The following NSD1 variants were observed in gnomAD, a reference collection of about 807,000 sequenced individuals.
NSD1 encodes the protein nuclear receptor binding SET domain protein 1, also known as histone-lysine N-methyltransferase, H3 lysine-36 specific.
Under a neutral mutation model 242.7 loss-of-function variants are expected in NSD1, and 26 were observed. The ratio of observed to expected loss-of-function variants is 0.11; its 90% CI spans 0.08 to 0.15. The LOEUF is 0.15. Ranked by LOEUF, NSD1 falls within the 10% of genes least tolerant of loss-of-function variation. The pLI is 1.00. For missense variants in NSD1, 2,495 were observed against 3,272.8 expected (o/e 0.76, Z 5.80); for synonymous variants, 1,106 against 1,178.1 (o/e 0.94, Z 1.25).
intron 2 of NSD1, chr5:177,137,120 T>A (rs2149758508): frequency 5.0e-6 from 2 of 401,982 alleles, no homozygotes; most frequent in East Asian, 7.2e-5. Flanking sequence ...TATGAAGAAT[T>A]TCTTGACTTT....
intron 2 of NSD1, among the ~76,000 whole-genome samples, chr5:177,146,832 C>A (rs945419143): frequency 1.3e-5 from 2 of 151,322 alleles, no homozygotes; most frequent in Non-Finnish European, 2.9e-5. Context: ...GGTGAAACCC[C>A]GTGTCTACTA....
In NSD1 at chr5:177,294,417, T is replaced by C. The variant is rs750785772; in HGVS notation, c.7049T>C (p.Leu2350Pro). 3.0e-5 allele frequency: 48 copies of C among 1,614,158 alleles called. No homozygotes were observed. The South Asian group carries it at 3.4e-4, about 11-fold the overall frequency. ...TCACCCTCAGTCAGGTCCCAACCAC[T>C]GGAAAGACCTCTGGGGACGGCTGAC... is the stretch of plus-strand genomic sequence containing the variant. The part of the protein sequence containing the change: ...SSSPSVRSQP[L>P]ERPLGTADPR... Residue 2350 changes from leucine (L) to proline (P), a missense_variant, in exon 23 of 23, where the codon CTG becomes CCG. Leu to Pro is a moderately conservative substitution (Grantham distance 98). Coordinates refer to ENST00000439151, the MANE Select transcript of NSD1 (RefSeq NM_022455.5).
chr5:177,155,283 C>T (rs1317285475), intron 2 of NSD1, among the ~76,000 whole-genome samples: 1 of 150,070 alleles, frequency 6.7e-6, no homozygotes, highest in Non-Finnish European at 1.5e-5. Flanking sequence ...GCCACCGCGC[C>T]TGGCCTAATT....
chr5:177,171,039 C>CGGGCG (rs1311798935), intron 2 of NSD1, among the ~76,000 whole-genome samples: 1 of 150,690 alleles, frequency 6.6e-6, no homozygotes, highest in Non-Finnish European at 1.5e-5. Context: ...AAAAGGAAAC[C>CGGGCG]GGGCGGGGCG....
At chr5:177,174,311 G>GC (rs2149801584) in intron 2 of NSD1, among the ~76,000 whole-genome samples, 1 of 152,210 alleles carries the variant, frequency 6.6e-6, no homozygotes, top group South Asian at 2.1e-4. Context: ...CCGAGATCGC[G>GC]CCACTGCACT....
chr5:177,204,030 C>A, intron 3 of NSD1, 90 bp from the exon 4 acceptor site: 2 of 1,268,886 alleles, frequency 1.6e-6, no homozygotes, highest in Non-Finnish European at 2.3e-6. Context: ...TCCAGACAGT[C>A]TTCTTTGGCG....
intron 2 of NSD1, among the ~76,000 whole-genome samples, chr5:177,149,892 G>C (rs1757561157): frequency 1.3e-5 from 2 of 152,134 alleles, no homozygotes; most frequent in African/African-American, 4.8e-5. Flanking sequence ...CCCTGTTCTA[G>C]ATGATCCACA....
At chr5:177,195,696 T>C (rs2149826215) in intron 3 of NSD1, among the ~76,000 whole-genome samples, 2 of 152,300 alleles carry the variant, frequency 1.3e-5, no homozygotes, top group East Asian at 3.9e-4. Context: ...CTGAAACTCC[T>C]GGGCTCAAGC....
chr5:177,214,688 G>C (rs1210362478), intron 5 of NSD1, among the ~76,000 whole-genome samples: 2 of 133,964 alleles, frequency 1.5e-5, no homozygotes, highest in Admixed American at 8.0e-5. Context: ...TTTTTTTTGA[G>C]ACAGAGTCTT....
chr5:177,265,600 C>T (rs1348612017), intron 14 of NSD1: 18 of 1,373,314 alleles, frequency 1.3e-5, no homozygotes, highest in Non-Finnish European at 1.9e-5. Flanking sequence ...TGGAGCAGGA[C>T]AGGTCGCACA....
Position 177,207,314 on chromosome 5 carries a change from G to T in NSD1, c.1237-2322G>T, listed in dbSNP as rs1021887840. 2.0e-5 allele frequency among the ~76,000 whole-genome samples: 3 copies of T among 150,344 alleles called. No homozygotes were observed. In the East Asian group the frequency reaches 5.8e-4, roughly 29 times the overall value. On this transcript the variant is annotated intron_variant, in intron 4 of 22. Transcript: ENST00000439151. The stretch of plus-strand genomic sequence containing the variant: ...TTTATTTATTTTGAGACAGAGTCTC[G>T]CTCTGTTGTGCAGGCTGGAGTGCAG...
intron 2 of NSD1, among the ~76,000 whole-genome samples, chr5:177,180,458 G>T (rs1760566269): frequency 6.6e-6 from 1 of 152,032 alleles, no homozygotes; most frequent in African/African-American, 2.4e-5. Context: ...GTCTTGCTAT[G>T]TTAGTCAGGC....
At position 177,211,730 on chromosome 5, in the gene NSD1, G is replaced by T. The variant is rs151165525; in HGVS notation, c.3331G>T (p.Asp1111Tyr). ...TGACCATTTTTCTGATGTGCATTTC[G>T]ATAGCAAGGTTAAGCAATCTGATCC... Reference protein sequence around the residue: ...DGDHFSDVHFDSKVKQSDPGK... With the variant: ...DGDHFSDVHFYSKVKQSDPGK... Residue 1111 changes from aspartate to tyrosine, a missense_variant, in exon 5 of 23, where the codon GAT becomes TAT. Physicochemically the swap from Asp to Tyr is radical, Grantham distance 160. Coordinates refer to ENST00000439151, the MANE Select transcript of NSD1 (RefSeq NM_022455.5). 1.3e-5 allele frequency: 21 copies of T among 1,613,914 alleles called. No homozygotes were observed. The highest frequency in any genetic ancestry group is 1.7e-5 in the Non-Finnish European group (20 of 1,180,014).
intron 17 of NSD1, among the ~76,000 whole-genome samples, chr5:177,278,021 T>C (rs1315414816): frequency 6.6e-6 from 1 of 152,216 alleles, no homozygotes; most frequent in Non-Finnish European, 1.5e-5. Context: ...CCCCTTAGAA[T>C]TTGCCTTAGA....
intron 13 of NSD1, among the ~76,000 whole-genome samples, chr5:177,258,377 G>GT (rs1241002438): frequency 6.6e-6 from 1 of 151,750 alleles, no homozygotes; most frequent in Non-Finnish European, 1.5e-5. Flanking sequence ...TTGTTTGTTT[G>GT]TTTTTTTAAT....
intron 5 of NSD1, among the ~76,000 whole-genome samples, chr5:177,226,732 G>A (rs573935814): frequency 6.6e-6 from 1 of 151,920 alleles, no homozygotes; most frequent in Non-Finnish European, 1.5e-5. Flanking sequence ...GTACAGATTG[G>A]CATTCTGTTA....
intron 8 of NSD1, among the ~76,000 whole-genome samples, chr5:177,240,698 G>A (rs549426875): frequency 6.6e-6 from 1 of 152,222 alleles, no homozygotes; most frequent in South Asian, 2.1e-4. Context: ...GGGTGACAGG[G>A]CGAGACTCCG....
intron 8 of NSD1, among the ~76,000 whole-genome samples, chr5:177,242,251 C>A (rs1765929625): frequency 6.6e-6 from 1 of 151,902 alleles, no homozygotes; most frequent in African/African-American, 2.4e-5. Context: ...AATTTGTTAT[C>A]TAAATAAAAT....
intron 14 of NSD1, among the ~76,000 whole-genome samples, chr5:177,260,412 T>G (rs1316727446): frequency 7.6e-6 from 1 of 130,932 alleles, no homozygotes; most frequent in East Asian, 2.3e-4. Flanking sequence ...TATGGCACAA[T>G]CTCAGCTAAC....
Sources: allele counts gnomAD v4.1 joint callset (sites outside exome capture counted in the v4.1 genomes callset), GRCh38; gene constraint gnomAD v4.1.1; transcripts MANE v1.5; gene names NCBI Gene and HGNC (gene_info 2026-07-23, HGNC 2026-07-21).